The following ESR1 variants were observed in gnomAD, a reference collection of about 807,000 sequenced individuals.
ESR1 encodes the protein estrogen receptor 1.
Under a neutral mutation model 52.7 loss-of-function variants are expected in ESR1, and 12 were observed. That is an observed-to-expected ratio of 0.23 (90% confidence interval 0.15 to 0.37). The LOEUF (loss-of-function observed/expected upper bound fraction) is 0.37, where lower values mean the gene tolerates loss of function less well. Among genes scored for constraint, ESR1 ranks in the 10% least tolerant of loss-of-function variants. The pLI, the probability that ESR1 is intolerant of heterozygous loss-of-function variation, is 1.00. For missense variants in ESR1, 584 were observed against 779.7 expected, an observed-to-expected ratio of 0.75 and a Z score of 2.99; for synonymous variants, 305 against 316.8, an observed-to-expected ratio of 0.96 and a Z score of 0.39.
At chr6:152,070,691 C>T (rs1323121008) in intron 6 of ESR1, among the ~76,000 whole-genome samples, 1 of 138,738 alleles carries the variant, frequency 7.2e-6, no homozygotes, top group Non-Finnish European at 1.5e-5. Flanking sequence ...AAACTCCCTG[C>T]GTTGAGTTCC....
chr6:151,885,507 C>G (rs1583947146), intron 3 of ESR1, among the ~76,000 whole-genome samples: 1 of 152,242 alleles, frequency 6.6e-6, no homozygotes, highest in Admixed American at 6.5e-5. Flanking sequence ...CTCAAACTTG[C>G]TGAACAACCT....
rs1491263524 is a variant in ESR1 at position 151,850,108 on chromosome 6, A to ATAATTTTATATG, written c.643+7321_643+7322insTAATTTTATATG. On this transcript the variant is annotated intron_variant, in intron 2 of 7. Coordinates refer to ENST00000206249, the MANE Select transcript of ESR1 (RefSeq NM_000125.4). Reference sequence around the variant, plus strand: ...TATATATATAATTTTATATATATATACAAAATTATATATATATGTCTGGTA... The same window carrying ATAATTTTATATG: ...TATATATATAATTTTATATATATATATAATTTTATATGCAAAATTATATATATATGTCTGGTA... Among the ~76,000 whole-genome samples, 71 of 27,544 alleles carry ATAATTTTATATG rather than the reference A, an allele frequency of 2.6e-3. 4 individuals are homozygous for ATAATTTTATATG. The highest frequency in any genetic ancestry group is 5.6e-3 in the African/African-American group (68 of 12,118). 18.1% of individuals were successfully genotyped at this position (27,544 alleles called of 152,430 possible). A position where few individuals can be genotyped will look rare whatever the true frequency, so the allele number is the denominator to read the frequency against.
At chr6:151,968,965 A>G (rs112975568) in intron 4 of ESR1, among the ~76,000 whole-genome samples, 2 of 152,268 alleles carry the variant, frequency 1.3e-5, no homozygotes, top group African/African-American at 4.8e-5. Context: ...AACCCACAGC[A>G]GGAAATTTCC....
At chr6:151,674,881 A>G (rs896798605) in intron 1 of ESR1, among the ~76,000 whole-genome samples, 1 of 152,260 alleles carries the variant, frequency 6.6e-6, no homozygotes, top group African/African-American at 2.4e-5. Context: ...CATGGACAAG[A>G]GAATATTTGT....
chr6:152,071,010 G>A (rs2048311114), intron 6 of ESR1, among the ~76,000 whole-genome samples: 1 of 100,080 alleles, frequency 1.0e-5, no homozygotes, highest in Admixed American at 8.1e-5. Flanking sequence ...TGTGCTAAGT[G>A]GTAGAAATAC....
At chr6:151,886,241 C>A (rs999893119) in intron 3 of ESR1, among the ~76,000 whole-genome samples, 26 of 151,796 alleles carry the variant, frequency 1.7e-4, no homozygotes, top group Admixed American at 1.7e-3. Context: ...GAGATTTACA[C>A]GAATTTGTGA....
In ESR1 at chr6:151,879,855, C is replaced by T. The variant is rs1252827221; in HGVS notation, c.644-800C>T. Among the ~76,000 whole-genome samples, 6 of 152,194 alleles carry T rather than the reference C, an allele frequency of 3.9e-5. No homozygotes were observed. The South Asian group carries it at 8.3e-4, about 21-fold the overall frequency. On this transcript the variant is annotated intron_variant, in intron 2 of 7. Coordinates refer to ENST00000206249, the MANE Select transcript of ESR1 (RefSeq NM_000125.4). Reference sequence around the variant, plus strand: ...AGGACTGAACTTCGTCACCACCCAGCCCACCAAGCCGGCTTGACTTTAGGT... The same window carrying T: ...AGGACTGAACTTCGTCACCACCCAGTCCACCAAGCCGGCTTGACTTTAGGT...
chr6:151,840,215 AGCTTC>A (rs1784075611), intron 1 of ESR1, among the ~76,000 whole-genome samples: 1 of 152,190 alleles, frequency 6.6e-6, no homozygotes, highest in African/African-American at 2.4e-5. Flanking sequence ...AAAGGCACTA[AGCTTC>A]TACAGTTAGA....
intron 2 of ESR1, among the ~76,000 whole-genome samples, chr6:151,753,548 C>T (rs970726044): frequency 6.6e-6 from 1 of 152,000 alleles, no homozygotes; most frequent in Non-Finnish European, 1.5e-5. Context: ...AAACTCCTGG[C>T]CTCAAGTGAT....
At chr6:152,087,894 G>T (rs185213442) in intron 6 of ESR1, among the ~76,000 whole-genome samples, 206 of 152,282 alleles carry the variant, frequency 1.4e-3, no homozygotes, top group African/African-American at 4.7e-3. Flanking sequence ...CAATCATCAG[G>T]TTTGGATGGA....
chr6:151,801,720 A>G (rs1365735798), upstream of ESR1, among the ~76,000 whole-genome samples: 3 of 152,268 alleles, frequency 2.0e-5, no homozygotes, highest in African/African-American at 4.8e-5. Flanking sequence ...ATCATGTTAA[A>G]AGCCATTGTA....
At chr6:151,726,343 T>G (rs1383308483) in intron 2 of ESR1, among the ~76,000 whole-genome samples, 1 of 152,136 alleles carries the variant, frequency 6.6e-6, no homozygotes, top group Non-Finnish European at 1.5e-5. Context: ...TTTCTTTTTT[T>G]TTTTTTGAGA....
chr6:152,029,995 T>C (rs9397076), intron 5 of ESR1, among the ~76,000 whole-genome samples: 66,909 of 152,020 alleles, frequency 0.44, 16,670 homozygotes, highest in African/African-American at 0.67. Flanking sequence ...TTACACATTC[T>C]TAAAGAAAAG....
chr6:151,825,928 A>AAG (rs1225883027), intron 1 of ESR1, among the ~76,000 whole-genome samples: 2,209 of 150,302 alleles, frequency 0.015, 26 homozygotes, highest in Non-Finnish European at 0.025. Context: ...AAAAAAAAAA[A>AAG]AAAGAAAGAA....
chr6:151,686,662 T>C (rs886837185), upstream of ESR1, among the ~76,000 whole-genome samples: 1 of 151,776 alleles, frequency 6.6e-6, no homozygotes. Flanking sequence ...CACTCCAGCC[T>C]GGGTGACAGA....
chr6:152,028,003 G>A (rs2044304368), intron 5 of ESR1, among the ~76,000 whole-genome samples: 2 of 152,096 alleles, frequency 1.3e-5, no homozygotes, highest in African/African-American at 2.4e-5. Context: ...ATATAGCCAG[G>A]TGTGGTGGCA....
intron 6 of ESR1, among the ~76,000 whole-genome samples, chr6:152,071,687 C>T (rs777231659): frequency 6.6e-5 from 10 of 152,148 alleles, no homozygotes; most frequent in Non-Finnish European, 1.5e-4. Flanking sequence ...TATACATGTA[C>T]TTTCTTTAAA....
At chr6:151,936,602 AG>A (rs2034386159) in intron 3 of ESR1, among the ~76,000 whole-genome samples, 2 of 152,230 alleles carry the variant, frequency 1.3e-5, no homozygotes, top group East Asian at 3.8e-4. Flanking sequence ...CTTCTGGCCA[AG>A]GTGGAATAAT....
intron 6 of ESR1, among the ~76,000 whole-genome samples, chr6:152,092,194 T>C (rs1585214959): frequency 2.0e-5 from 3 of 152,234 alleles, no homozygotes; most frequent in African/African-American, 7.2e-5. Flanking sequence ...ACATGGAACA[T>C]AAGTGAAGTA....
Sources: allele counts gnomAD v4.1 joint callset (sites outside exome capture counted in the v4.1 genomes callset), GRCh38; gene constraint gnomAD v4.1.1; transcripts MANE v1.5; gene names NCBI Gene and HGNC (gene_info 2026-07-23, HGNC 2026-07-21).